ALK: variants seen among roughly 807,000 people sequenced by gnomAD.
The protein encoded by ALK is ALK receptor tyrosine kinase.
A neutral mutation model predicts 163.1 loss-of-function variants in ALK; 74 were observed. That is an observed-to-expected ratio of 0.45 (90% CI 0.38 to 0.55). The LOEUF (loss-of-function observed/expected upper bound fraction) is 0.55, where lower values mean the gene tolerates loss of function less well. Among genes scored for constraint, ALK ranks in the 20% least tolerant of loss-of-function variants. ALK has a pLI of 0.00. For missense variants in ALK, 2,063 were observed against 2,105.3 expected, an observed-to-expected ratio of 0.98 and a Z score of 0.39; for synonymous variants, 960 against 843.2, an observed-to-expected ratio of 1.14 and a Z score of -2.40.
intron 3 of ALK, among the ~76,000 whole-genome samples, chr2:29,634,651 C>T (rs1021412206): frequency 3.9e-5 from 6 of 152,102 alleles, no homozygotes; most frequent in African/African-American, 1.4e-4. Context: ...ACAAATTAAA[C>T]TCTATAGCTA....
intron 3 of ALK, among the ~76,000 whole-genome samples, chr2:29,577,062 G>A (rs1218638478): frequency 2.6e-5 from 4 of 152,042 alleles, no homozygotes; most frequent in Admixed American, 1.3e-4. Flanking sequence ...CATCTTCCAC[G>A]AAACCAGTCC....
rs544298666 is a variant in ALK at position 29,780,192 on chromosome 2, C to G, written c.668-62495G>C. ...AAATTTTTGAGGGCCATTTTCAACT[C>G]AGGCTCTTCAGCAACCCTCAGGGTC... is the stretch of plus-strand genomic sequence containing the variant. On this transcript the variant is annotated intron_variant, in intron 1 of 28. Coordinates refer to ENST00000389048, the MANE Select transcript of ALK (RefSeq NM_004304.5). Among the ~76,000 whole-genome samples the G allele has an allele frequency of 3.9e-5, 6 of 152,356 alleles. No individual in the cohort carries two copies. In the South Asian group the frequency reaches 1.2e-3, roughly 32 times the overall value.
rs1177192411 is a variant in ALK, at chr2:29,220,839, C to T, written c.3516-4G>A. On this transcript the variant is annotated splice_region_variant and splice_polypyrimidine_tract_variant and intron_variant, in intron 22 of 28. Coordinates refer to ENST00000389048, the MANE Select transcript of ALK (RefSeq NM_004304.5). ...AATGTTCTGGTGGTTGAATTTGCTG[C>T]AGAGCAGAGAGGGATGTAACCAAAA... 6.2e-7 allele frequency: 1 copy of T among 1,614,026 alleles called. No homozygotes were observed. Among genetic ancestry groups the T allele is most frequent in the African/African-American group, 1.3e-5 (1 of 75,050 alleles).
chr2:29,193,790 C>G lies in ALK; in HGVS notation c.4297G>C (p.Glu1433Gln), dbSNP rs1668950485. 8 of 1,594,350 alleles carry G rather than the reference C, an allele frequency of 5.0e-6. No individual in the cohort carries two copies. The highest frequency in any genetic ancestry group is 5.1e-6 in the Non-Finnish European group (6 of 1,170,056). Residue 1433 changes from glutamate to glutamine, a missense_variant, in exon 29 of 29, where the codon GAG becomes CAG. Glu to Gln is a conservative substitution (Grantham distance 29). Around this residue, in one of 5 missense-constraint regions of ALK, gnomAD observed 403 missense variants for 366.2 expected, o/e 1.10. Transcript: ENST00000389048. ...PLLVSQQAKR[E>Q]EERSPAAPPP... ...GGGGCAGCTGGGCTGCGCTCCTCCT[C>G]CCGTTTTGCCTGTTGAGAGACCAGG...
chr2:29,741,718 G>C (rs1573599101), intron 1 of ALK, among the ~76,000 whole-genome samples: 1 of 152,240 alleles, frequency 6.6e-6, no homozygotes. Flanking sequence ...ATTTGTGATG[G>C]TTCTTCCAAG....
intron 23 of ALK, among the ~76,000 whole-genome samples, chr2:29,215,810 C>T (rs1309999013): frequency 6.6e-6 from 1 of 152,236 alleles, no homozygotes; most frequent in Non-Finnish European, 1.5e-5. Flanking sequence ...GGGCTCCACC[C>T]TGCTGGCCTC....
chr2:29,439,233 T>G (rs1046063271), intron 4 of ALK, among the ~76,000 whole-genome samples: 1 of 152,154 alleles, frequency 6.6e-6, no homozygotes, highest in East Asian at 1.9e-4. Context: ...CTGCTTTAAA[T>G]AGAACAGGTG....
At chr2:29,553,929 T>C (rs530036255) in intron 3 of ALK, among the ~76,000 whole-genome samples, 2 of 152,352 alleles carry the variant, frequency 1.3e-5, no homozygotes, top group African/African-American at 4.8e-5. Context: ...TTGTAAGAAC[T>C]TCTTAAAACT....
At chr2:29,889,823 G>A (rs1282093213) in intron 1 of ALK, among the ~76,000 whole-genome samples, 1 of 151,384 alleles carries the variant, frequency 6.6e-6, no homozygotes, top group Non-Finnish European at 1.5e-5. Context: ...CTCCAGTACT[G>A]CTAGTCCTGG....
At chr2:29,418,815 A>T (rs1254289712) in intron 4 of ALK, among the ~76,000 whole-genome samples, 1 of 147,132 alleles carries the variant, frequency 6.8e-6, no homozygotes, top group African/African-American at 2.7e-5. Flanking sequence ...GTGGTATAGG[A>T]AAATAGAGAT....
chr2:29,794,187 T>A (rs1558490956), intron 1 of ALK, among the ~76,000 whole-genome samples: 1 of 152,184 alleles, frequency 6.6e-6, no homozygotes, highest in Non-Finnish European at 1.5e-5. Context: ...TAAAGATGGC[T>A]TTTTTCCTTC....
chr2:29,400,319 T>C (rs1669413414), intron 4 of ALK, among the ~76,000 whole-genome samples: 1 of 152,218 alleles, frequency 6.6e-6, no homozygotes, highest in South Asian at 2.1e-4. Context: ...CAGGTAATCA[T>C]TTTGAATATC....
At chr2:29,420,664 T>C (rs927189578) in intron 4 of ALK, among the ~76,000 whole-genome samples, 4 of 151,498 alleles carry the variant, frequency 2.6e-5, no homozygotes, top group Admixed American at 6.6e-5. Flanking sequence ...GGCCCGCGAC[T>C]CCTCTGTGCG....
rs771254732 is a variant in ALK, at chr2:29,717,668, T to C, written c.697A>G (p.Met233Val). 3.7e-6 allele frequency: 6 copies of C among 1,614,004 alleles called. No individual in the cohort carries two copies. The South Asian group carries it at 5.5e-5, about 15-fold the overall frequency. ...GHSSLESPTN[M>V]PSPSPDYFTW... is the part of the protein sequence containing the mutation. ...AAATAATCAGGAGAAGGAGAAGGCA[T>C]GTTTGTTGGTGATTCCAAGGAGCTA... The change falls in exon 2 of 29, where the codon ATG becomes GTG. Residue 233 changes from methionine (M) to valine (V), a missense_variant. This residue lies in a region of ALK where 987 missense variants were observed against 939.5 expected (regional missense o/e 1.05). Transcript: ENST00000389048.
intron 1 of ALK, among the ~76,000 whole-genome samples, chr2:29,848,414 T>C (rs1665902588): frequency 6.7e-6 from 1 of 150,178 alleles, no homozygotes; most frequent in South Asian, 2.1e-4. Context: ...AGGAAGGAAA[T>C]GAACATGTGT....
intron 4 of ALK, among the ~76,000 whole-genome samples, chr2:29,480,576 C>G (rs11674712): frequency 0.33 from 49,322 of 151,536 alleles, 9,592 homozygotes; most frequent in Non-Finnish European, 0.45. Flanking sequence ...CTTTTTATTG[C>G]CCCGTTGCCC....
At chr2:29,200,867 G>GTA (rs1174704876) in intron 26 of ALK, among the ~76,000 whole-genome samples, 18 of 148,186 alleles carry the variant, frequency 1.2e-4, no homozygotes, top group East Asian at 3.9e-4. Context: ...ATATATATGT[G>GTA]TATATATATA....
chr2:29,458,378 T>C (rs565412625), intron 4 of ALK, among the ~76,000 whole-genome samples: 3 of 152,224 alleles, frequency 2.0e-5, no homozygotes, highest in East Asian at 3.9e-4. Flanking sequence ...TAATATTACA[T>C]AGAACTTTGA....
intron 3 of ALK, among the ~76,000 whole-genome samples, chr2:29,679,459 TTC>T (rs1414731690): frequency 2.0e-5 from 3 of 151,788 alleles, no homozygotes; most frequent in Non-Finnish European, 4.4e-5. Flanking sequence ...TTTCTTTCTT[TTC>T]TCTCTGTTTC....
Sources: allele counts gnomAD v4.1 joint callset (sites outside exome capture counted in the v4.1 genomes callset), GRCh38; gene constraint gnomAD v4.1.1; regional missense constraint gnomAD v4.1.1; transcripts MANE v1.5; gene names NCBI Gene and HGNC (gene_info 2026-07-23, HGNC 2026-07-21).